DMD: variants seen among roughly 807,000 people sequenced by gnomAD.
DMD encodes the protein dystrophin.
DMD carries 63 observed loss-of-function variants against 330.1 expected under a neutral mutation model. The observed-to-expected ratio is 0.19, with a 90% CI of 0.16 to 0.24. DMD has a LOEUF of 0.24. DMD is among the 10% of genes least tolerant of loss of function. The pLI is 1.00. For synonymous variants in DMD, 1,223 were observed against 959.8 expected (o/e 1.27, Z -5.07); for missense variants, 3,344 against 2,684.1 (o/e 1.25, Z -5.43).
chrX:32,019,743 CTG>C (rs1691095044), intron 44 of DMD, among the ~76,000 whole-genome samples: 1 of 112,429 alleles, frequency 8.9e-6, no homozygotes, highest in Admixed American at 9.5e-5. Context: ...AACACTGAGA[CTG>C]TAATTCCTGA....
At chrX:32,903,128 G>A (rs1226431205) in intron 2 of DMD, among the ~76,000 whole-genome samples, 4 of 76,661 alleles carry the variant, frequency 5.2e-5, no homozygotes, top group African/African-American at 2.1e-4. Flanking sequence ...CTGGGCGACA[G>A]AGTGAGACTC....
chrX:33,008,811 TACACATAA>T (rs1187779164), intron 2 of DMD, among the ~76,000 whole-genome samples: 1 of 97,849 alleles, frequency 1.0e-5, no homozygotes. Flanking sequence ...TACGTATATA[TACACATAA>T]ATGTATACGT....
chrX:32,164,047 T>G (rs181083066), intron 44 of DMD, among the ~76,000 whole-genome samples: 15 of 111,618 alleles, frequency 1.3e-4, no homozygotes, highest in African/African-American at 4.2e-4. Context: ...AAATGTCACC[T>G]CATAGAGGTC....
intron 10 of DMD, 133 bp downstream of exon 10, chrX:32,644,831 T>G: frequency 2.5e-6 from 2 of 790,547 alleles, no homozygotes; most frequent in South Asian, 2.4e-5. Context: ...AATCTGACTG[T>G]TGGAATCCCA....
At chrX:32,252,599 T>TAA (rs67980162) in intron 43 of DMD, among the ~76,000 whole-genome samples, 43,623 of 73,985 alleles carry the variant, frequency 0.59, 11,565 homozygotes, top group East Asian at 0.93. Flanking sequence ...TATATATATA[T>TAA]AAACATATAT....
intron 62 of DMD, among the ~76,000 whole-genome samples, chrX:31,319,284 T>C (rs745780522): frequency 8.9e-6 from 1 of 111,895 alleles, no homozygotes; most frequent in Non-Finnish European, 1.9e-5. Context: ...TAAAAAGGAT[T>C]AGAATTTCTC....
rs1420319186 is a variant in DMD at position 32,253,075 on chromosome X, T to G, written c.6290+34454A>C. ...AGAAGTGAGGGAAAACAGTTTTATC[T>G]ACCATCTTTGAGATATCATGGTGAG... On this transcript the variant is annotated intron_variant, in intron 43 of 78. Transcript: ENST00000357033. Among the ~76,000 whole-genome samples the G allele has an allele frequency of 7.7e-5, 8 of 104,363 alleles. No homozygotes were observed. In the Admixed American group the frequency reaches 9.1e-4, roughly 12 times the overall value. 90.6% of individuals were successfully genotyped at this position (104,363 alleles called of 115,157 possible). A position where few individuals can be genotyped will look rare whatever the true frequency, so the allele number is the denominator to read the frequency against.
chrX:33,147,473 A>G (rs2148613169), intron 1 of DMD, among the ~76,000 whole-genome samples: 1 of 112,463 alleles, frequency 8.9e-6, no homozygotes, highest in East Asian at 2.8e-4. Context: ...ATTTGAATAC[A>G]TTTTACTGGG....
At chrX:31,529,639 C>T (rs1252770032) in intron 55 of DMD, among the ~76,000 whole-genome samples, 2 of 111,647 alleles carry the variant, frequency 1.8e-5, no homozygotes, top group Non-Finnish European at 3.8e-5. Context: ...ATCACTGCAC[C>T]TGTTTCTTAC....
intron 9 of DMD, among the ~76,000 whole-genome samples, chrX:32,656,145 G>A (rs2060553082): frequency 8.9e-6 from 1 of 111,830 alleles, no homozygotes; most frequent in South Asian, 3.8e-4. Context: ...AGTTAGATGT[G>A]GCATGTAACC....
intron 4 of DMD, among the ~76,000 whole-genome samples, chrX:32,828,764 A>G (rs1235655545): frequency 9.0e-6 from 1 of 111,087 alleles, no homozygotes; most frequent in Non-Finnish European, 1.9e-5. Context: ...AATGTATAAG[A>G]ATAGGCTCTT....
chrX:31,700,805 A>C (rs901052181), intron 52 of DMD, among the ~76,000 whole-genome samples: 3 of 112,081 alleles, frequency 2.7e-5, no homozygotes, highest in Non-Finnish European at 5.6e-5. Flanking sequence ...GCCTGAAGTT[A>C]GGAGAAAAGC....
At chrX:33,191,855 A>G (rs1469826710) in intron 1 of DMD, among the ~76,000 whole-genome samples, 1 of 112,013 alleles carries the variant, frequency 8.9e-6, no homozygotes, top group Non-Finnish European at 1.9e-5. Context: ...ACCCAAACCA[A>G]ACAAGAATAA....
intron 67 of DMD, among the ~76,000 whole-genome samples, chrX:31,195,483 T>C (rs1486946303): frequency 8.9e-6 from 1 of 111,802 alleles, no homozygotes; most frequent in Non-Finnish European, 1.9e-5. Flanking sequence ...ATAGGTACCA[T>C]GGAATATACT....
chrX:32,896,901 A>C (rs2149280330), intron 2 of DMD, among the ~76,000 whole-genome samples: 1 of 112,471 alleles, frequency 8.9e-6, no homozygotes, highest in South Asian at 3.7e-4. Context: ...TGTCAGATGA[A>C]AAGTTAAACG....
chrX:32,880,485 G>A (rs903557897), intron 2 of DMD, among the ~76,000 whole-genome samples: 8 of 111,297 alleles, frequency 7.2e-5, no homozygotes, highest in Admixed American at 5.8e-4. Context: ...AGCAAAATTC[G>A]TCTCTTCTTC....
At chrX:31,491,068 G>A (rs776242213) in intron 57 of DMD, among the ~76,000 whole-genome samples, 2 of 112,059 alleles carry the variant, frequency 1.8e-5, no homozygotes, top group Admixed American at 9.4e-5. Context: ...AGAAAATCTC[G>A]GGAAGCTTTG....
intron 7 of DMD, among the ~76,000 whole-genome samples, chrX:32,807,122 TAAAAAA>T (rs999286386): frequency 3.0e-3 from 62 of 20,729 alleles, no homozygotes; most frequent in African/African-American, 0.012. Context: ...CGGAAACATT[TAAAAAA>T]AAAAAAAAAA....
intron 55 of DMD, among the ~76,000 whole-genome samples, chrX:31,596,843 C>T (rs920871113): frequency 6.3e-5 from 7 of 111,962 alleles, no homozygotes; most frequent in South Asian, 3.7e-4. Context: ...TCAAAGTGTG[C>T]GCCAGAGACT....
Sources: gnomAD v4.1 joint callset for allele counts (sites outside exome capture counted in the v4.1 genomes callset) on GRCh38, gnomAD v4.1.1 for gene constraint, MANE v1.5 for transcripts, NCBI Gene and HGNC (gene_info 2026-07-23, HGNC 2026-07-21) for gene names.